Variants in ZBTB34 observed in about 807,000 individuals in gnomAD.
The protein encoded by ZBTB34 is zinc finger and BTB domain-containing protein 34.
A neutral mutation model predicts 33.4 loss-of-function variants in ZBTB34; 1 was observed. The observed-to-expected ratio is 0.03, with a 90% CI of 0.01 to 0.14. The LOEUF (loss-of-function observed/expected upper bound fraction) is 0.14, where lower values mean the gene tolerates loss of function less well. ZBTB34 is among the 10% of genes least tolerant of loss of function. ZBTB34 has a pLI of 1.00. For synonymous variants in ZBTB34, 283 were observed against 253.5 expected, an observed-to-expected ratio of 1.12 and a Z score of -1.11; for missense variants, 406 against 657.2, an observed-to-expected ratio of 0.62 and a Z score of 4.18.
Position 126,865,600 on chromosome 9 carries a change from G to A in ZBTB34, c.-11+4861G>A, listed in dbSNP as rs117603246. 7.1e-3 allele frequency among the ~76,000 whole-genome samples: 1,085 copies of A among 152,318 alleles called. 11 individuals carry two copies. The highest frequency in any genetic ancestry group is 0.012 in the Non-Finnish European group (800 of 68,032). Reference sequence around the variant, plus strand: ...TATTTTTAGGTTCTCTGCAGAATGGGTCAGCAGTGTGAGAGGATGTCATTA... The same window carrying A: ...TATTTTTAGGTTCTCTGCAGAATGGATCAGCAGTGTGAGAGGATGTCATTA... On this transcript the variant is annotated intron_variant, in intron 1 of 1. Transcript: ENST00000319119.
chr9:126,862,846 TATA>T (rs2119203419), intron 1 of ZBTB34, among the ~76,000 whole-genome samples: 1 of 152,274 alleles, frequency 6.6e-6, no homozygotes, highest in South Asian at 2.1e-4. Context: ...GCTGGACTTC[TATA>T]ATAGGTACTC....
exon 2 of ZBTB34, chr9:126,882,521 A>G (rs551145518): frequency 1.2e-5 from 2 of 166,916 alleles, no homozygotes; most frequent in Admixed American, 6.6e-5. Context: ...GGTACTGTAA[A>G]CTCTGGCAGA....
At chr9:126,860,692 C>A (rs1397566600) in exon 1 of ZBTB34, 1 of 144,256 alleles carries the variant, frequency 6.9e-6, no homozygotes, top group Non-Finnish European at 1.5e-5. Flanking sequence ...CCGGCGGCGG[C>A]GGAGGGGGCG....
intron 1 of ZBTB34, among the ~76,000 whole-genome samples, chr9:126,866,051 C>G (rs2033196202): frequency 6.6e-6 from 1 of 152,072 alleles, no homozygotes; most frequent in Non-Finnish European, 1.5e-5. Flanking sequence ...GGATGTTACC[C>G]CCTTCATCAG....
At position 126,862,076 on chromosome 9, in the gene ZBTB34, A is replaced by G. The variant is rs1007997110; in HGVS notation, c.-11+1337A>G. 5.9e-5 allele frequency among the ~76,000 whole-genome samples: 9 copies of G among 152,162 alleles called. No individual in the cohort carries two copies. In the East Asian group the frequency reaches 1.7e-3, roughly 29 times the overall value. ...ATGAGACAAGGCTGTGTGCTGTAGA[A>G]TTAAGAAGGAGAGATGGAGGTCACT... On this transcript the variant is annotated intron_variant, in intron 1 of 1. Coordinates refer to ENST00000319119, the Ensembl canonical transcript of ZBTB34.
intron 1 of ZBTB34, among the ~76,000 whole-genome samples, chr9:126,862,891 TTTTTG>T (rs1002914027): frequency 5.6e-5 from 8 of 143,624 alleles, no homozygotes; most frequent in African/African-American, 7.8e-5. Context: ...GGTAAACAAC[TTTTTG>T]TTTTGTTTTG....
In ZBTB34 at chr9:126,867,542, G is replaced by A. The variant is rs570503733; in HGVS notation, c.-11+6803G>A. ...CACCTAATTTGATTTGTAAATTAAG[G>A]AATTTGGAAAGTAGTTCTTTGTCAA... On this transcript the variant is annotated intron_variant, in intron 1 of 1. Transcript: ENST00000319119. Among the ~76,000 whole-genome samples, 5 of 150,186 alleles carry A rather than the reference G, an allele frequency of 3.3e-5. No individual in the cohort carries two copies. In the East Asian group the frequency reaches 7.8e-4, roughly 23 times the overall value.
At chr9:126,885,600 C>T (rs1409659686) in exon 2 of ZBTB34, 1 of 167,098 alleles carries the variant, frequency 6.0e-6, no homozygotes, top group East Asian at 1.9e-4. Flanking sequence ...CACAACTCCA[C>T]ACTTCATCAC....
At chr9:126,883,113 A>G (rs1425370161) in exon 2 of ZBTB34, 1 of 166,540 alleles carries the variant, frequency 6.0e-6, no homozygotes, top group Non-Finnish European at 1.5e-5. Flanking sequence ...CTGGACCCCA[A>G]GTGTTTACCC....
rs1246292224 is a variant in ZBTB34, at chr9:126,879,290, A to C, written c.-10-100A>C. ...ATGCTTCAGGTAGATTTTAGGAGGTATGATAGCCACAATGGTATTGTTGTT... is the reference window on the plus strand; with the variant it reads ...ATGCTTCAGGTAGATTTTAGGAGGTCTGATAGCCACAATGGTATTGTTGTT... On this transcript the variant is annotated intron_variant, in intron 1 of 1. Transcript: ENST00000319119. This position sits in a 1 kb window ranked among gnomAD's most constrained non-coding sequence, Gnocchi z 6.4. 7.2e-6 allele frequency: 7 copies of C among 974,026 alleles called. No individual in the cohort carries two copies. Among genetic ancestry groups the C allele is most frequent in the Non-Finnish European group, 1.1e-5 (7 of 658,532 alleles). 60.3% of individuals were successfully genotyped at this position (974,026 alleles called of 1,614,324 possible).
At chr9:126,865,711 G>C (rs950987869) in intron 1 of ZBTB34, among the ~76,000 whole-genome samples, 3 of 152,200 alleles carry the variant, frequency 2.0e-5, no homozygotes, top group African/African-American at 7.2e-5. Flanking sequence ...GGGGCCGGGC[G>C]CAGTAGCTCA....
exon 2 of ZBTB34, chr9:126,884,633 C>G (rs536121740): frequency 1.1e-4 from 18 of 167,050 alleles, no homozygotes; most frequent in African/African-American, 4.1e-4. Context: ...TTTGTTTTTC[C>G]CTTAGCCCAG....
intron 1 of ZBTB34, among the ~76,000 whole-genome samples, chr9:126,876,929 T>G (rs2033371068): frequency 6.6e-6 from 1 of 152,232 alleles, no homozygotes; most frequent in African/African-American, 2.4e-5. Context: ...TAGGCACATT[T>G]AACTGATCCT....
rs2033415725 is a variant in ZBTB34, at chr9:126,880,119, G to A, written c.720G>A (p.Val240=). 6.2e-7 allele frequency: 1 copy of A among 1,613,776 alleles called. No individual in the cohort carries two copies. Among genetic ancestry groups the A allele is most frequent in the African/African-American group, 1.3e-5 (1 of 75,052 alleles). ...AGAGCCAGATCACCGAGGTGAAAGT[G>A]AAGATGGAGAAGTCCGACCGGCCCA... The change falls in exon 2 of 2, where the codon GTG becomes GTA. Residue 240 remains valine (V), a synonymous_variant. Coordinates refer to ENST00000319119, the Ensembl canonical transcript of ZBTB34. The surrounding 1 kb of genome is among the most constrained non-coding windows in gnomAD (Gnocchi z 6.7).
At position 126,879,283 on chromosome 9, in the gene ZBTB34, A is replaced by G. The variant is rs2033402542; in HGVS notation, c.-10-107A>G. 1.1e-6 allele frequency: 1 copy of G among 895,244 alleles called. No individual in the cohort carries two copies. The highest frequency in any genetic ancestry group is 1.7e-6 in the Non-Finnish European group (1 of 593,330). 55.5% of individuals were successfully genotyped at this position (895,244 alleles called of 1,614,324 possible). ...GGGAAGAATGCTTCAGGTAGATTTT[A>G]GGAGGTATGATAGCCACAATGGTAT... On this transcript the variant is annotated intron_variant, in intron 1 of 1. Transcript: ENST00000319119. The surrounding 1 kb of genome is among the most constrained non-coding windows in gnomAD (Gnocchi z 6.4).
intron 1 of ZBTB34, among the ~76,000 whole-genome samples, chr9:126,873,109 T>C (rs771026360): frequency 6.6e-6 from 1 of 152,190 alleles, no homozygotes; most frequent in Non-Finnish European, 1.5e-5. Flanking sequence ...CCCACCTTCC[T>C]TTTGTCCTTG....
chr9:126,869,702 C>T (rs1275013166), intron 1 of ZBTB34, among the ~76,000 whole-genome samples: 2 of 152,122 alleles, frequency 1.3e-5, no homozygotes, highest in Admixed American at 6.5e-5. Flanking sequence ...ACGGCAGAGG[C>T]TGTGTGTGAG....
chr9:126,865,849 G>A (rs1234036317), intron 1 of ZBTB34, among the ~76,000 whole-genome samples: 3 of 152,128 alleles, frequency 2.0e-5, no homozygotes, highest in African/African-American at 4.8e-5. Flanking sequence ...GCTGAATGTG[G>A]TGGCACATGC....
chr9:126,866,037 G>T (rs2033195941), intron 1 of ZBTB34, among the ~76,000 whole-genome samples: 1 of 152,108 alleles, frequency 6.6e-6, no homozygotes, highest in African/African-American at 2.4e-5. Flanking sequence ...AGAGGGCTAG[G>T]TGAGGATGTT....
Sources: gnomAD v4.1 joint callset for allele counts (sites outside exome capture counted in the v4.1 genomes callset) on GRCh38, gnomAD v4.1.1 for gene constraint, Gnocchi (gnomAD v3.1) non-coding constraint, MANE v1.5 for transcripts, NCBI Gene and HGNC (gene_info 2026-07-23, HGNC 2026-07-21) for gene names.